F13A1: variants seen among roughly 807,000 people sequenced by gnomAD.
The protein encoded by F13A1 is coagulation factor XIII A chain.
F13A1 carries 47 observed loss-of-function variants against 80.1 expected under a neutral mutation model. That is an observed-to-expected ratio of 0.59 (90% CI 0.46 to 0.75). F13A1 has a LOEUF of 0.75. Ranked by LOEUF, F13A1 falls within the 30% of genes least tolerant of loss-of-function variation. The pLI is 0.00. For missense variants in F13A1, 817 were observed against 930.4 expected (o/e 0.88, Z 1.59); for synonymous variants, 349 against 344.9 (o/e 1.01, Z -0.13).
At chr6:6,241,381 CATT>C (rs1438617124) in intron 6 of F13A1, among the ~76,000 whole-genome samples, 1 of 152,116 alleles carries the variant, frequency 6.6e-6, no homozygotes. Context: ...TGGTCATACT[CATT>C]ATCTGGTAGA....
chr6:6,307,971 C>T (rs2113188263), intron 2 of F13A1, among the ~76,000 whole-genome samples: 1 of 138,382 alleles, frequency 7.2e-6, no homozygotes, highest in South Asian at 2.3e-4. Context: ...AAAGACTGCT[C>T]ATAGGATTTT....
intron 4 of F13A1, among the ~76,000 whole-genome samples, chr6:6,265,187 C>T (rs1214514353): frequency 1.3e-5 from 2 of 152,190 alleles, no homozygotes; most frequent in South Asian, 2.1e-4. Flanking sequence ...TTGTTGTGCA[C>T]TTATCTATAT....
chr6:6,233,490 C>T (rs774944882), intron 6 of F13A1, among the ~76,000 whole-genome samples: 8 of 152,124 alleles, frequency 5.3e-5, no homozygotes, highest in East Asian at 1.9e-4. Flanking sequence ...CAGGAACAGA[C>T]GGATTCACAG....
chr6:6,166,735 C>T (rs1034715227), intron 13 of F13A1, among the ~76,000 whole-genome samples: 1 of 152,194 alleles, frequency 6.6e-6, no homozygotes, highest in South Asian at 2.1e-4. Context: ...TCTCATCAAC[C>T]CTCGGCCTTC....
intron 8 of F13A1, among the ~76,000 whole-genome samples, chr6:6,218,204 C>T (rs904289606): frequency 1.3e-5 from 2 of 152,152 alleles, no homozygotes; most frequent in African/African-American, 4.8e-5. Flanking sequence ...TAAGTGCCAA[C>T]GTCTCTGTCT....
intron 1 of F13A1, 129 bp downstream of exon 1, chr6:6,320,458 A>G (rs1007489647): frequency 4.1e-5 from 13 of 315,852 alleles, no homozygotes; most frequent in Non-Finnish European, 7.9e-5. Flanking sequence ...AGGATTGGGC[A>G]AGTGGAGCTG....
At chr6:6,296,157 T>C (rs1758323749) in intron 3 of F13A1, among the ~76,000 whole-genome samples, 1 of 151,728 alleles carries the variant, frequency 6.6e-6, no homozygotes, top group African/African-American at 2.4e-5. Context: ...AGCCTTGTAG[T>C]ATAGTTTGAA....
Position 6,250,139 on chromosome 6 carries a change from C to T in F13A1, c.690+672G>A, listed in dbSNP as rs534709095. Among the ~76,000 whole-genome samples the T allele has an allele frequency of 6.6e-6, 1 of 152,276 alleles. No individual in the cohort carries two copies. Among genetic ancestry groups the T allele is most frequent in the East Asian group, 1.9e-4 (1 of 5,172 alleles). On this transcript the variant is annotated intron_variant, in intron 5 of 14. Coordinates refer to ENST00000264870, the MANE Select transcript of F13A1 (RefSeq NM_000129.4). This position sits in a 1 kb window ranked among gnomAD's most constrained non-coding sequence, Gnocchi z 4.2. Reference sequence around the variant, plus strand: ...TCCTGAGAAATGACATTCGCCCCCGCTTGTGTCGCTAATTAAAAATCATTT... The same window carrying T: ...TCCTGAGAAATGACATTCGCCCCCGTTTGTGTCGCTAATTAAAAATCATTT...
chr6:6,248,584 G>T (rs1288939141), intron 5 of F13A1, among the ~76,000 whole-genome samples, 165 bp from the exon 6 acceptor site: 2 of 152,204 alleles, frequency 1.3e-5, no homozygotes, highest in Non-Finnish European at 2.9e-5. Flanking sequence ...TAGAAGGAAT[G>T]AGACATCTTC....
chr6:6,302,177 TCTC>T (rs1365030980), intron 3 of F13A1, among the ~76,000 whole-genome samples: 1 of 152,170 alleles, frequency 6.6e-6, no homozygotes, highest in African/African-American at 2.4e-5. Context: ...GAAGCTTCCC[TCTC>T]CTCTTCTCCC....
intron 6 of F13A1, among the ~76,000 whole-genome samples, chr6:6,244,799 A>C (rs1219945450): frequency 6.6e-6 from 1 of 152,200 alleles, no homozygotes; most frequent in East Asian, 1.9e-4. Context: ...AGTTAATAGC[A>C]CAACCAGAAT....
chr6:6,318,719 G>C (rs750083050), intron 1 of F13A1, 37 bp from the exon 2 acceptor site: 27 of 1,590,070 alleles, frequency 1.7e-5, no homozygotes, highest in Non-Finnish European at 2.1e-5. Context: ...AACAGAAAAG[G>C]CATGTAAAGT....
chr6:6,217,276 C>T (rs1324497376), intron 8 of F13A1, among the ~76,000 whole-genome samples: 1 of 152,068 alleles, frequency 6.6e-6, no homozygotes, highest in East Asian at 1.9e-4. Context: ...TTGGAACCAA[C>T]CCAAATGTCC....
At chr6:6,190,946 G>A (rs559886619) in intron 10 of F13A1, among the ~76,000 whole-genome samples, 16 of 152,112 alleles carry the variant, frequency 1.1e-4, no homozygotes, top group South Asian at 6.2e-4. Context: ...TTTTAAGCCC[G>A]TCGGAAAAGC....
chr6:6,289,813 C>T (rs1758198790), intron 3 of F13A1, among the ~76,000 whole-genome samples: 1 of 144,322 alleles, frequency 6.9e-6, no homozygotes, highest in Admixed American at 6.9e-5. Context: ...CTGAACTTTT[C>T]TATTTTTTTT....
chr6:6,178,050 G>A (rs891781224), intron 11 of F13A1, among the ~76,000 whole-genome samples: 1 of 136,448 alleles, frequency 7.3e-6, no homozygotes, highest in Non-Finnish European at 1.6e-5. Context: ...GGAGAGGGGG[G>A]GGGGGGTGGG....
intron 3 of F13A1, among the ~76,000 whole-genome samples, chr6:6,292,881 C>T (rs1294001404): frequency 6.6e-6 from 1 of 152,174 alleles, no homozygotes; most frequent in Non-Finnish European, 1.5e-5. Flanking sequence ...CTGCCCCATC[C>T]CTCTCCTCTG....
chr6:6,243,049 G>A lies in F13A1; in HGVS notation c.798+5263C>T, dbSNP rs1302775848. On this transcript the variant is annotated intron_variant, in intron 6 of 14. Transcript: ENST00000264870. This position sits in a 1 kb window ranked among gnomAD's most constrained non-coding sequence, Gnocchi z 4.2. ...TTGTACTCCAGTGTTCAGACTGGTA[G>A]ATTGCCATAAACATTTGTCAAACAA... Among the ~76,000 whole-genome samples the A allele has an allele frequency of 6.6e-6, 1 of 152,134 alleles. No homozygotes were observed. Among genetic ancestry groups the A allele is most frequent in the African/African-American group, 2.4e-5 (1 of 41,416 alleles).
intron 3 of F13A1, among the ~76,000 whole-genome samples, chr6:6,299,108 C>T (rs1400978022): frequency 6.4e-5 from 9 of 140,312 alleles, no homozygotes; most frequent in East Asian, 3.9e-4. Flanking sequence ...GGGTTTCTGC[C>T]GAGAGATCCG....
Sources: allele counts gnomAD v4.1 joint callset (sites outside exome capture counted in the v4.1 genomes callset), GRCh38; gene constraint gnomAD v4.1.1; non-coding constraint Gnocchi (gnomAD v3.1); transcripts MANE v1.5; gene names NCBI Gene and HGNC (gene_info 2026-07-23, HGNC 2026-07-21).